The following EFHD1 variants were observed in gnomAD, a reference collection of about 807,000 sequenced individuals.
EFHD1 encodes EF-hand domain family member D1, also known as EF-hand domain-containing protein D1.
A neutral mutation model predicts 17.2 loss-of-function variants in EFHD1; 10 were observed. The observed-to-expected ratio is 0.58, with a 90% CI of 0.36 to 0.99. EFHD1 has a LOEUF of 0.99. EFHD1 is among the 50% of genes least tolerant of loss of function. The pLI is 0.01. For synonymous variants in EFHD1, 153 were observed against 142.0 expected, an observed-to-expected ratio of 1.08 and a Z score of -0.55; for missense variants, 310 against 327.5, an observed-to-expected ratio of 0.95 and a Z score of 0.41.
At chr2:232,617,350 A>G (rs10166842) in intron 1 of EFHD1, among the ~76,000 whole-genome samples, 107,166 of 151,960 alleles carry the variant, frequency 0.71, 37,951 homozygotes, top group East Asian at 0.84. Context: ...CCCTTAACTC[A>G]GTATGTATCA....
upstream of EFHD1, among the ~76,000 whole-genome samples, chr2:232,633,017 C>A (rs1332213685): frequency 6.6e-6 from 1 of 152,246 alleles, no homozygotes; most frequent in African/African-American, 2.4e-5. Context: ...TTTTTCTGCT[C>A]GTTTGCTCTC....
At chr2:232,626,700 T>C (rs1694108571) in intron 1 of EFHD1, among the ~76,000 whole-genome samples, 1 of 152,192 alleles carries the variant, frequency 6.6e-6, no homozygotes, top group African/African-American at 2.4e-5. Context: ...TGTGCTGTTG[T>C]TTGTGAGCTG....
intron 2 of EFHD1, 26 bp from the exon 3 acceptor site, chr2:232,672,283 G>A (rs1337111981): frequency 6.2e-7 from 1 of 1,614,114 alleles, no homozygotes. Flanking sequence ...GACTGACTCT[G>A]GTTCCCTACT....
chr2:232,640,311 T>G (rs186574888), intron 1 of EFHD1, among the ~76,000 whole-genome samples: 32 of 152,272 alleles, frequency 2.1e-4, no homozygotes, highest in African/African-American at 7.7e-4. Flanking sequence ...ATGTGTGGGT[T>G]CATGTCGTGG....
intron 2 of EFHD1, among the ~76,000 whole-genome samples, chr2:232,669,174 C>T (rs1244981110): frequency 1.3e-5 from 2 of 152,206 alleles, no homozygotes; most frequent in Non-Finnish European, 2.9e-5. Context: ...TCCCCTTGAC[C>T]TCCAACCTAT....
At chr2:232,619,049 C>A (rs10197060) in intron 1 of EFHD1, among the ~76,000 whole-genome samples, 1 of 151,458 alleles carries the variant, frequency 6.6e-6, no homozygotes, top group African/African-American at 2.4e-5. Flanking sequence ...CTCCGGAGGC[C>A]GAGGCAGGAG....
chr2:232,606,922 A>C lies in EFHD1; in HGVS notation c.14+749A>C, dbSNP rs530749855. Among the ~76,000 whole-genome samples, 414 of 150,952 alleles carry C rather than the reference A, an allele frequency of 2.7e-3. 1 individual carries two copies. The highest frequency in any genetic ancestry group is 9.7e-3 in the African/African-American group (402 of 41,254). On this transcript the variant is annotated intron_variant, in intron 1 of 3. Coordinates refer to the EFHD1 transcript ENST00000409613. ...TAAAATAAAATAAAAATTAAAAAAA[A>C]ATAAAGTTGGGGTGCACGGAATGGG...
At chr2:232,643,252 C>T (rs1694465532) in intron 1 of EFHD1, among the ~76,000 whole-genome samples, 1 of 151,820 alleles carries the variant, frequency 6.6e-6, no homozygotes, top group African/African-American at 2.4e-5. Context: ...CCCAAGCTGG[C>T]CTCTGGCATC....
intron 1 of EFHD1, among the ~76,000 whole-genome samples, chr2:232,625,917 G>T (rs77922107): frequency 0.012 from 1,827 of 152,254 alleles, 40 homozygotes; most frequent in African/African-American, 0.042. Flanking sequence ...GAGGCTGGAC[G>T]TGGTGACTCA....
At chr2:232,616,392 G>A (rs1266844580) in intron 1 of EFHD1, among the ~76,000 whole-genome samples, 6 of 152,036 alleles carry the variant, frequency 3.9e-5, no homozygotes, top group Non-Finnish European at 7.4e-5. Flanking sequence ...TCCGCCTCCC[G>A]GGTTCAAGCA....
intron 1 of EFHD1, chr2:232,638,371 A>G (rs983030389): frequency 1.5e-5 from 7 of 471,050 alleles, no homozygotes; most frequent in African/African-American, 1.2e-4. Context: ...GGGAAGAGGA[A>G]CATTTGGCTA....
intron 1 of EFHD1, among the ~76,000 whole-genome samples, chr2:232,623,169 C>T (rs34563978): frequency 0.23 from 35,396 of 151,970 alleles, 4,634 homozygotes; most frequent in East Asian, 0.58. Flanking sequence ...ACTTTGGCCT[C>T]CCGAGTAGTT....
intron 2 of EFHD1, among the ~76,000 whole-genome samples, chr2:232,669,624 A>G (rs1351942803): frequency 4.2e-5 from 6 of 143,044 alleles, no homozygotes; most frequent in Non-Finnish European, 9.1e-5. Flanking sequence ...TTTTTTAGAC[A>G]GAGTCTTGCT....
intron 1 of EFHD1, among the ~76,000 whole-genome samples, chr2:232,645,600 G>C (rs1285738165): frequency 1.3e-5 from 2 of 152,164 alleles, no homozygotes; most frequent in Non-Finnish European, 2.9e-5. Context: ...CAAGGTCTCT[G>C]CCTCCTCTCT....
intron 1 of EFHD1, among the ~76,000 whole-genome samples, chr2:232,638,756 CT>C (rs1694368231): frequency 6.6e-6 from 1 of 152,178 alleles, no homozygotes; most frequent in Non-Finnish European, 1.5e-5. Flanking sequence ...TAAGTGCTTT[CT>C]TTTTCCTTGG....
intron 1 of EFHD1, among the ~76,000 whole-genome samples, chr2:232,618,739 T>TAAAA (rs1188926936): frequency 9.4e-6 from 1 of 106,896 alleles, no homozygotes; most frequent in South Asian, 2.8e-4. Context: ...AAAAAAAAAT[T>TAAAA]TTGAAAAAAG....
chr2:232,636,812 G>A (rs1017176586), intron 1 of EFHD1, among the ~76,000 whole-genome samples: 10 of 152,152 alleles, frequency 6.6e-5, no homozygotes, highest in South Asian at 6.2e-4. Flanking sequence ...AACAGAGTGC[G>A]ACTCCGTCTC....
upstream of EFHD1, among the ~76,000 whole-genome samples, chr2:232,630,165 G>T (rs1044975966): frequency 2.0e-5 from 3 of 152,008 alleles, no homozygotes; most frequent in African/African-American, 7.2e-5. Flanking sequence ...GTCTAGGCTG[G>T]TCTTGCACTC....
chr2:232,657,240 C>T (rs1694779399), intron 1 of EFHD1, among the ~76,000 whole-genome samples: 1 of 152,202 alleles, frequency 6.6e-6, no homozygotes, highest in South Asian at 2.1e-4. Context: ...CCTCCCCAGC[C>T]CTTGACAGTC....
Sources: allele counts gnomAD v4.1 joint callset (sites outside exome capture counted in the v4.1 genomes callset), GRCh38; gene constraint gnomAD v4.1.1; transcripts MANE v1.5; gene names NCBI Gene and HGNC (gene_info 2026-07-23, HGNC 2026-07-21).